The following PPA2 variants were observed in gnomAD, a reference collection of about 807,000 sequenced individuals.
PPA2 encodes inorganic pyrophosphatase 2, mitochondrial.
PPA2 carries 48 observed loss-of-function variants against 49.5 expected under a neutral mutation model. The ratio of observed to expected loss-of-function variants is 0.97; its 90% confidence interval spans 0.77 to 1.23. The LOEUF is 1.23. Ranked by LOEUF, PPA2 falls within the 50% of genes most tolerant of loss-of-function variation. PPA2 has a pLI of 0.00. For missense variants in PPA2, 429 were observed against 410.1 expected, an observed-to-expected ratio of 1.05 and a Z score of -0.40; for synonymous variants, 131 against 139.9, an observed-to-expected ratio of 0.94 and a Z score of 0.45.
intron 6 of PPA2, among the ~76,000 whole-genome samples, chr4:105,436,207 CCACACACACACACGCATCATACA>C (rs1037091959): frequency 5.3e-5 from 8 of 150,840 alleles, no homozygotes; most frequent in South Asian, 4.2e-4. Context: ...TTTGCAACAG[CCACACACACACACGCATCATACA>C]CACACACACA....
chr4:105,410,388 A>G (rs1443263584), intron 7 of PPA2, among the ~76,000 whole-genome samples: 3 of 152,154 alleles, frequency 2.0e-5, no homozygotes, highest in Non-Finnish European at 4.4e-5. Context: ...GAAATGAATA[A>G]AGCCTCCAAG....
chr4:105,432,446 T>A (rs186191914), intron 6 of PPA2, among the ~76,000 whole-genome samples: 5 of 152,334 alleles, frequency 3.3e-5, no homozygotes, highest in African/African-American at 1.2e-4. Flanking sequence ...ATCAAACATA[T>A]CTTAATAAAG....
At chr4:105,418,238 T>C (rs1269431153) in intron 7 of PPA2, among the ~76,000 whole-genome samples, 2 of 152,184 alleles carry the variant, frequency 1.3e-5, no homozygotes, top group African/African-American at 4.8e-5. Flanking sequence ...AACATGAATA[T>C]TTTCCCTTAA....
chr4:105,407,089 TA>T (rs11434264), intron 7 of PPA2: 96 of 139,610 alleles, frequency 6.9e-4, no homozygotes, highest in African/African-American at 5.6e-4. Context: ...TGTTCCATAT[TA>T]AAAAAAAAAA....
chr4:105,447,044 G>T (rs1231274804), intron 4 of PPA2, among the ~76,000 whole-genome samples: 1 of 152,104 alleles, frequency 6.6e-6, no homozygotes, highest in Non-Finnish European at 1.5e-5. Context: ...AAAGAAAGAA[G>T]TGAAACTGTC....
chr4:105,404,746 T>G (rs1465637142), intron 7 of PPA2, among the ~76,000 whole-genome samples: 8 of 152,156 alleles, frequency 5.3e-5, no homozygotes, highest in Non-Finnish European at 1.2e-4. Context: ...AAAGTTACAC[T>G]TACAGGCAAA....
At chr4:105,453,542 G>T in intron 3 of PPA2, 56 bp downstream of exon 3, 1 of 1,263,446 alleles carries the variant, frequency 7.9e-7, no homozygotes, top group Non-Finnish European at 1.1e-6. Flanking sequence ...CTATCATCAA[G>T]GTATTTAACA....
chr4:105,375,166 T>C (rs1733198853), intron 10 of PPA2, among the ~76,000 whole-genome samples: 1 of 152,168 alleles, frequency 6.6e-6, no homozygotes, highest in Non-Finnish European at 1.5e-5. Flanking sequence ...GTAAGTTTAA[T>C]CTATTAATAC....
At chr4:105,413,704 A>G (rs1722868585) in intron 7 of PPA2, among the ~76,000 whole-genome samples, 1 of 152,246 alleles carries the variant, frequency 6.6e-6, no homozygotes, top group Non-Finnish European at 1.5e-5. Context: ...TCTGTTCAGC[A>G]GTGTTAGAAA....
chr4:105,437,765 T>C (rs1724132741), intron 6 of PPA2, among the ~76,000 whole-genome samples, 185 bp downstream of exon 6: 2 of 152,188 alleles, frequency 1.3e-5, no homozygotes, highest in Admixed American at 1.3e-4. Context: ...TTTGACTTGT[T>C]ACAGGGCTAT....
intron 1 of PPA2, among the ~76,000 whole-genome samples, chr4:105,465,779 T>C (rs907002091): frequency 6.6e-6 from 1 of 152,126 alleles, no homozygotes. Flanking sequence ...ATCCTCTCAA[T>C]AGCTGTATAA....
intron 10 of PPA2, among the ~76,000 whole-genome samples, chr4:105,382,898 G>A (rs1335747960): frequency 6.6e-6 from 1 of 152,076 alleles, no homozygotes; most frequent in Non-Finnish European, 1.5e-5. Flanking sequence ...CAACTTGGGA[G>A]GATGAGGTGG....
At chr4:105,381,449 CCT>C (rs1194341241) in intron 10 of PPA2, among the ~76,000 whole-genome samples, 6 of 151,776 alleles carry the variant, frequency 4.0e-5, no homozygotes, top group Non-Finnish European at 8.8e-5. Flanking sequence ...TTAGAATCAC[CCT>C]GTGAGGTTCA....
At chr4:105,472,964 C>G (rs1723587703) in intron 1 of PPA2, among the ~76,000 whole-genome samples, 1 of 152,156 alleles carries the variant, frequency 6.6e-6, no homozygotes. Flanking sequence ...TCCGGGGTCA[C>G]AGAGTTAAGA....
chr4:105,448,467 A>T (rs1363768842), intron 4 of PPA2, among the ~76,000 whole-genome samples: 1 of 152,104 alleles, frequency 6.6e-6, no homozygotes, highest in African/African-American at 2.4e-5. Flanking sequence ...TTTCACTTAG[A>T]ACTATAAGGA....
At chr4:105,450,389 T>C (rs1200330319) in intron 3 of PPA2, among the ~76,000 whole-genome samples, 2 of 151,496 alleles carry the variant, frequency 1.3e-5, no homozygotes, top group African/African-American at 2.4e-5. Flanking sequence ...TTTTTTTTTT[T>C]CTCCCAAGAC....
Position 105,383,549 on chromosome 4 carries a change from AT to A in PPA2, c.939+3017del, listed in dbSNP as rs1733574949. 3.3e-5 allele frequency among the ~76,000 whole-genome samples: 5 copies of A among 152,296 alleles called. No homozygotes were observed. In the South Asian group the frequency reaches 1.0e-3, roughly 32 times the overall value. Reference sequence around the variant, plus strand: ...TATCAACCACTCAAAAGTTTAGTCCATTTCTTTTCTTTTCCTTGTCTATTTT... The same window carrying A: ...TATCAACCACTCAAAAGTTTAGTCCATTCTTTTCTTTTCCTTGTCTATTTT... On this transcript the variant is annotated intron_variant, in intron 10 of 11. Transcript: ENST00000341695.
intron 10 of PPA2, among the ~76,000 whole-genome samples, chr4:105,382,989 C>G (rs571838133): frequency 5.8e-5 from 8 of 137,406 alleles, no homozygotes; most frequent in Admixed American, 5.5e-4. Flanking sequence ...GGCGGCAGAG[C>G]AAGACCCTGT....
rs575896250 is a variant in PPA2 at position 105,450,601 on chromosome 4, C to CTTTTTTTTTTTTTTTTTT, written c.268-1216_268-1199dup. 7.7e-4 allele frequency among the ~76,000 whole-genome samples: 64 copies of CTTTTTTTTTTTTTTTTTT among 82,652 alleles called. 9 individuals are homozygous for CTTTTTTTTTTTTTTTTTT. Among genetic ancestry groups the CTTTTTTTTTTTTTTTTTT allele is most frequent in the Non-Finnish European group, 9.0e-4 (39 of 43,408 alleles). 54.2% of individuals were successfully genotyped at this position (82,652 alleles called of 152,430 possible). A position where few individuals can be genotyped will look rare whatever the true frequency, so the allele number is the denominator to read the frequency against. ...ATGCTGGCCAGGCTGGTCTGGAATT[C>CTTTTTTTTTTTTTTTTTT]TTTTTTTTTTTTTTTTTTTTTTTTG... is the stretch of plus-strand genomic sequence containing the variant. On this transcript the variant is annotated intron_variant, in intron 3 of 11. Transcript: ENST00000341695.
Sources: allele counts gnomAD v4.1 joint callset (sites outside exome capture counted in the v4.1 genomes callset), GRCh38; gene constraint gnomAD v4.1.1; transcripts MANE v1.5; gene names NCBI Gene and HGNC (gene_info 2026-07-23, HGNC 2026-07-21).